GOLGA8B: variants seen among roughly 807,000 people sequenced by gnomAD.
GOLGA8B encodes the protein golgin subfamily A member 8B.
GOLGA8B carries 1 observed loss-of-function variant against 15.6 expected under a neutral mutation model. The observed-to-expected ratio is 0.06, with a 90% CI of 0.02 to 0.30. GOLGA8B has a LOEUF of 0.30. Among genes scored for constraint, GOLGA8B ranks in the 10% least tolerant of loss-of-function variants. The pLI is 1.00. For missense variants in GOLGA8B, 17 were observed against 201.3 expected (o/e 0.08, Z 5.54); for synonymous variants, 9 against 80.3 (o/e 0.11, Z 4.75).
In GOLGA8B at chr15:34,583,582, G is replaced by C. The variant is rs1475400499; in HGVS notation, c.-1189C>G. 4 of 152,488 alleles carry C rather than the reference G, an allele frequency of 2.6e-5. No individual in the cohort carries two copies. Among genetic ancestry groups the C allele is most frequent in the Non-Finnish European group, 5.9e-5 (4 of 68,274 alleles). The allele number at this position is 152,488 out of a possible 1,614,324, so 9.4% of individuals were successfully genotyped here. A position where few individuals can be genotyped will look rare whatever the true frequency, so the allele number is the denominator to read the frequency against. Reference sequence around the variant, plus strand: ...GCCCCGCAGCCGCCGGCTCCGTCCGGGAGGCTGAGCTCCTTGAGAGCCCGC... The same window carrying C: ...GCCCCGCAGCCGCCGGCTCCGTCCGCGAGGCTGAGCTCCTTGAGAGCCCGC... On this transcript the variant is annotated 5_prime_UTR_variant, in exon 1 of 24. Coordinates refer to ENST00000683415, the MANE Select transcript of GOLGA8B (RefSeq NM_001023567.5).
rs188120003 is a variant in GOLGA8B at position 34,564,787 on chromosome 15, G to A, written c.-1122-10831C>T. On this transcript the variant is annotated intron_variant, in intron 1 of 23. Transcript: ENST00000683415. ...TTTGAGCTGGCAAGGCTAAATTATA[G>A]GAAGAAGGCAGAGAGGTGGGCAGAG... 1.7e-3 allele frequency among the ~76,000 whole-genome samples: 246 copies of A among 144,128 alleles called. 12 individuals are homozygous for A. Among genetic ancestry groups the A allele is most frequent in the African/African-American group, 5.7e-3 (233 of 40,524 alleles). 94.6% of individuals were successfully genotyped at this position (144,128 alleles called of 152,430 possible).
chr15:34,567,617 C>A (rs561253010), intron 1 of GOLGA8B, among the ~76,000 whole-genome samples: 19 of 151,638 alleles, frequency 1.3e-4, no homozygotes, highest in African/African-American at 4.4e-4. Flanking sequence ...CTCCAGCACT[C>A]TGCTCTGTAT....
At chr15:34,570,250 C>A (rs1888876692) in intron 1 of GOLGA8B, among the ~76,000 whole-genome samples, 1 of 149,182 alleles carries the variant, frequency 6.7e-6, no homozygotes, top group Admixed American at 6.8e-5. Flanking sequence ...ACCCTCTGAG[C>A]CCCCTGCCTG....
At chr15:34,559,975 T>C (rs1189879177) in intron 1 of GOLGA8B, among the ~76,000 whole-genome samples, 2 of 149,798 alleles carry the variant, frequency 1.3e-5, no homozygotes, top group Non-Finnish European at 3.0e-5. Context: ...GGCACATCCC[T>C]GGGAGGTTTC....
intron 1 of GOLGA8B, among the ~76,000 whole-genome samples, chr15:34,561,314 T>C (rs1183780572): frequency 1.3e-5 from 2 of 150,996 alleles, no homozygotes; most frequent in Non-Finnish European, 2.9e-5. Context: ...AGTAATACAC[T>C]TGTAACATAA....
rs1888059728 is a variant in GOLGA8B at position 34,526,452 on chromosome 15, A to G, written c.*1180T>C. ...TAACCGAGGTGGTTGAAGAATAGGT[A>G]TTAGCCAGAGAGGTCTAGATAGTAA... is the stretch of plus-strand genomic sequence containing the variant. On this transcript the variant is annotated 3_prime_UTR_variant, in exon 24 of 24. Transcript: ENST00000683415. 1 of 148,924 alleles carries G rather than the reference A, an allele frequency of 6.7e-6. No individual in the cohort carries two copies. The highest frequency in any genetic ancestry group is 1.5e-5 in the Non-Finnish European group (1 of 67,154). The allele number at this position is 148,924 out of a possible 1,614,324, so 9.2% of individuals were successfully genotyped here. A position where few individuals can be genotyped will look rare whatever the true frequency, so the allele number is the denominator to read the frequency against.
At chr15:34,577,924 A>G (rs1048585447) in intron 1 of GOLGA8B, among the ~76,000 whole-genome samples, 21 of 152,202 alleles carry the variant, frequency 1.4e-4, no homozygotes, top group Non-Finnish European at 2.6e-4. Flanking sequence ...TTTAAAAAAT[A>G]AAGTAACTGC....
Position 34,545,204 on chromosome 15 carries a change from G to T in GOLGA8B, c.-478+174C>A, listed in dbSNP as rs1198099554. On this transcript the variant is annotated intron_variant, in intron 6 of 23. Coordinates refer to ENST00000683415, the MANE Select transcript of GOLGA8B (RefSeq NM_001023567.5). The stretch of plus-strand genomic sequence containing the variant: ...TCTTAATGCCTATCCCAGCATAGAT[G>T]CAGCACCAAGTACAGTGTCATTTTA... Among the ~76,000 whole-genome samples the T allele has an allele frequency of 7.9e-3, 889 of 112,128 alleles. 1 individual carries two copies. Among genetic ancestry groups the T allele is most frequent in the African/African-American group, 0.036 (853 of 23,916 alleles). The allele number at this position is 112,128 out of a possible 152,430, so 73.6% of individuals were successfully genotyped here. A position where few individuals can be genotyped will look rare whatever the true frequency, so the allele number is the denominator to read the frequency against.
rs1059895 is a variant in GOLGA8B at position 34,525,923 on chromosome 15, A to C, written c.*1709T>G. The C allele has an allele frequency of 0.27, 40,105 of 148,270 alleles. 7,471 individuals carry two copies. Among genetic ancestry groups the C allele is most frequent in the Non-Finnish European group, 0.3 (19,814 of 66,656 alleles). 9.2% of individuals were successfully genotyped at this position (148,270 alleles called of 1,614,324 possible). A position where few individuals can be genotyped will look rare whatever the true frequency, so the allele number is the denominator to read the frequency against. ...AAACTCCCCACCCCAGGGAGCACAC[A>C]TACATATCTCCCTACAACCTAATAA... is the stretch of plus-strand genomic sequence containing the variant. On this transcript the variant is annotated 3_prime_UTR_variant, in exon 24 of 24. Coordinates refer to ENST00000683415, the MANE Select transcript of GOLGA8B (RefSeq NM_001023567.5).
chr15:34,576,974 G>A (rs1889100318), intron 1 of GOLGA8B, among the ~76,000 whole-genome samples: 1 of 150,682 alleles, frequency 6.6e-6, no homozygotes, highest in Admixed American at 6.6e-5. Flanking sequence ...CTCAGTGGCT[G>A]GTGAGGAATG....
chr15:34,566,962 G>A (rs1782076694), intron 1 of GOLGA8B, among the ~76,000 whole-genome samples: 1 of 115,642 alleles, frequency 8.6e-6, no homozygotes, highest in South Asian at 2.7e-4. Flanking sequence ...CTTCATGGCT[G>A]AAAGCGTCAC....
chr15:34,573,430 G>C (rs573354610), intron 1 of GOLGA8B, among the ~76,000 whole-genome samples: 4 of 151,644 alleles, frequency 2.6e-5, no homozygotes, highest in Admixed American at 6.6e-5. Context: ...CCAGCTACTC[G>C]GGAGGCTGAG....
intron 1 of GOLGA8B, among the ~76,000 whole-genome samples, chr15:34,578,290 C>T (rs2140356645): frequency 6.6e-6 from 1 of 152,336 alleles, no homozygotes; most frequent in Admixed American, 6.5e-5. Flanking sequence ...GGGCAAGCTC[C>T]CACGCCCTTT....
chr15:34,578,114 A>T (rs1462257553), intron 1 of GOLGA8B, among the ~76,000 whole-genome samples: 1 of 152,190 alleles, frequency 6.6e-6, no homozygotes, highest in Non-Finnish European at 1.5e-5. Flanking sequence ...CTCACTATTT[A>T]CTAGTAAGTT....
At chr15:34,545,134 G>GC (rs1888280179) in intron 6 of GOLGA8B, among the ~76,000 whole-genome samples, 181 bp from the exon 7 acceptor site, 1 of 110,428 alleles carries the variant, frequency 9.1e-6, no homozygotes, top group Non-Finnish European at 1.8e-5. Context: ...AACGGATGTT[G>GC]CAAGTGGCCT....
chr15:34,582,137 G>A (rs1464646967), intron 1 of GOLGA8B, among the ~76,000 whole-genome samples: 2 of 152,182 alleles, frequency 1.3e-5, no homozygotes, highest in Non-Finnish European at 2.9e-5. Flanking sequence ...GCAGAGTGCA[G>A]GGCATCCTGG....
At chr15:34,578,354 T>C (rs1889138731) in intron 1 of GOLGA8B, among the ~76,000 whole-genome samples, 1 of 152,246 alleles carries the variant, frequency 6.6e-6, no homozygotes, top group East Asian at 1.9e-4. Context: ...AACTCTCCGA[T>C]GCCAGCCATC....
rs144621267 is a variant in GOLGA8B at position 34,579,297 on chromosome 15, G to A, written c.-1123+4219C>T. Among the ~76,000 whole-genome samples, 869 of 152,052 alleles carry A rather than the reference G, an allele frequency of 5.7e-3. 9 individuals carry two copies. The highest frequency in any genetic ancestry group is 0.02 in the African/African-American group (846 of 41,470). On this transcript the variant is annotated intron_variant, in intron 1 of 23. Transcript: ENST00000683415. ...CGCAGGAGAGAGTCAAGCAGGAGGA[G>A]GCTTCTGGAAGGGAAAGCAGAGTGG...
At chr15:34,549,177 A>G (rs1312930648) in intron 4 of GOLGA8B, among the ~76,000 whole-genome samples, 1 of 97,016 alleles carries the variant, frequency 1.0e-5, no homozygotes, top group Non-Finnish European at 2.3e-5. Context: ...ATGGACCTAT[A>G]AAAACATTTC....
Sources: allele counts gnomAD v4.1 joint callset (sites outside exome capture counted in the v4.1 genomes callset), GRCh38; gene constraint gnomAD v4.1.1; transcripts MANE v1.5; gene names NCBI Gene and HGNC (gene_info 2026-07-23, HGNC 2026-07-21).